BCAS3: variants seen among roughly 807,000 people sequenced by gnomAD.
The protein encoded by BCAS3 is BCAS4/BCAS3 fusion.
BCAS3 carries 53 observed loss-of-function variants against 116.1 expected under a neutral mutation model. The ratio of observed to expected loss-of-function variants is 0.46; its 90% CI spans 0.37 to 0.57. The LOEUF (loss-of-function observed/expected upper bound fraction) is 0.57, where lower values mean the gene tolerates loss of function less well. Ranked by LOEUF, BCAS3 falls within the 20% of genes least tolerant of loss-of-function variation. The pLI, the probability that BCAS3 is intolerant of heterozygous loss-of-function variation, is 0.00. For synonymous variants in BCAS3, 391 were observed against 408.2 expected (o/e 0.96, Z 0.51); for missense variants, 917 against 1,165.4 (o/e 0.79, Z 3.10).
intron 8 of BCAS3, among the ~76,000 whole-genome samples, chr17:60,870,752 T>C (rs1335444911): frequency 1.3e-5 from 2 of 152,184 alleles, no homozygotes; most frequent in African/African-American, 4.8e-5. Context: ...CCGCTGCAGG[T>C]AAGTTTTTTC....
Position 61,279,959 on chromosome 17 carries a change from CTT to C in BCAS3, c.2426-88366_2426-88365del, listed in dbSNP as rs34196471. ...TGCTCCTGCTGAGTCTACATTAACT[CTT>C]TGTTTAGCTTGGCTCCAGAACCATA... On this transcript the variant is annotated intron_variant, in intron 22 of 23. Transcript: ENST00000407086. The surrounding 1 kb of genome is among the most constrained non-coding windows in gnomAD (Gnocchi z 4.4). Among the ~76,000 whole-genome samples the C allele has an allele frequency of 0.036, 5,516 of 152,202 alleles. 133 individuals carry two copies. Among genetic ancestry groups the C allele is most frequent in the Middle Eastern group, 0.048 (14 of 294 alleles).
At chr17:61,185,430 G>A (rs534726449) in intron 22 of BCAS3, among the ~76,000 whole-genome samples, 1 of 152,066 alleles carries the variant, frequency 6.6e-6, no homozygotes, top group East Asian at 1.9e-4. Flanking sequence ...CTAGTCTAAT[G>A]GTTTAAATAC....
rs746791898 is a variant in BCAS3, at chr17:60,924,426, C to T, written c.1013C>T (p.Ser338Phe). 3 of 1,613,150 alleles carry T rather than the reference C, an allele frequency of 1.9e-6. No individual in the cohort carries two copies. In the Admixed American group the frequency reaches 5.0e-5, roughly 27 times the overall value. ...GEGQVLVSED[S>F]DSDGIVAHFP... Reference sequence around the variant, plus strand: ...GTGAAGGTGCTTGTGAGTGAGGATTCTGACAGTGATGGCATTGTGGCCCAC... The same window carrying T: ...GTGAAGGTGCTTGTGAGTGAGGATTTTGACAGTGATGGCATTGTGGCCCAC... Residue 338 changes from serine to phenylalanine, a missense_variant, in exon 13 of 24, where the codon TCT (serine) becomes TTT (phenylalanine). Transcript: ENST00000407086.
chr17:61,262,752 G>C (rs2049333473), intron 22 of BCAS3, among the ~76,000 whole-genome samples: 1 of 150,542 alleles, frequency 6.6e-6, no homozygotes, highest in Admixed American at 6.6e-5. Context: ...GAGTGCAATG[G>C]CACTATCTTG....
In BCAS3 at chr17:60,689,691, C is replaced by T. The variant is rs779869339; in HGVS notation, c.144C>T (p.Tyr48=). 3 of 1,596,332 alleles carry T rather than the reference C, an allele frequency of 1.9e-6. No homozygotes were observed. The highest frequency in any genetic ancestry group is 2.6e-6 in the Non-Finnish European group (3 of 1,165,472). The change falls in exon 4 of 24, where the codon TAC becomes TAT. Residue 48 remains tyrosine, a synonymous_variant. Transcript: ENST00000407086. ...TFLQDVVPQA[Y]SGTPLTEEKE... ...TGTTTCTGTTTACTATGCAGGCTTA[C>T]AGTGGAACACCTCTAACAGAAGAAA...
intron 7 of BCAS3, among the ~76,000 whole-genome samples, 160 bp from the exon 8 acceptor site, chr17:60,868,416 A>C (rs946508263): frequency 3.3e-5 from 5 of 152,144 alleles, no homozygotes; most frequent in Non-Finnish European, 7.3e-5. Context: ...TTGACTTAAA[A>C]TAAGGGATGT....
At chr17:61,225,797 G>C (rs1201630646) in intron 22 of BCAS3, among the ~76,000 whole-genome samples, 1 of 152,016 alleles carries the variant, frequency 6.6e-6, no homozygotes, top group Non-Finnish European at 1.5e-5. Context: ...TACTCTCCCA[G>C]CTCCTTTTTC....
chr17:60,933,410 T>A (rs2059763058), intron 13 of BCAS3, among the ~76,000 whole-genome samples: 1 of 152,232 alleles, frequency 6.6e-6, no homozygotes, highest in Non-Finnish European at 1.5e-5. Flanking sequence ...AAATGTAAAG[T>A]ACAACACATC....
chr17:60,917,463 A>G (rs1271517242), intron 12 of BCAS3, among the ~76,000 whole-genome samples: 1 of 152,218 alleles, frequency 6.6e-6, no homozygotes, highest in Non-Finnish European at 1.5e-5. Flanking sequence ...TTCAAGGTTC[A>G]TACCTGTCGT....
chr17:61,127,428 A>G (rs1323028708), intron 22 of BCAS3, among the ~76,000 whole-genome samples: 1 of 152,038 alleles, frequency 6.6e-6, no homozygotes, highest in East Asian at 1.9e-4. Flanking sequence ...TGGACATCTC[A>G]TGGTGGTCAC....
Position 61,258,224 on chromosome 17 carries a change from CT to C in BCAS3, c.2426-110102del, listed in dbSNP as rs1568685130. 6.6e-6 allele frequency among the ~76,000 whole-genome samples: 1 copy of C among 152,194 alleles called. No individual in the cohort carries two copies. Among genetic ancestry groups the C allele is most frequent in the African/African-American group, 2.4e-5 (1 of 41,434 alleles). ...ATCTTTGTCTTTAATAGTCATTGCC[CT>C]CTTATGGGACTTACCATGTTTCGCC... On this transcript the variant is annotated intron_variant, in intron 22 of 23. Coordinates refer to ENST00000407086, the MANE Select transcript of BCAS3 (RefSeq NM_017679.5). This position sits in a 1 kb window ranked among gnomAD's most constrained non-coding sequence, Gnocchi z 4.7.
At chr17:61,058,607 G>A (rs2069639573) in intron 19 of BCAS3, among the ~76,000 whole-genome samples, 2 of 152,166 alleles carry the variant, frequency 1.3e-5, no homozygotes, top group African/African-American at 2.4e-5. Flanking sequence ...GTATTATAGT[G>A]TATGTAAAGT....
intron 19 of BCAS3, among the ~76,000 whole-genome samples, chr17:61,045,823 T>TCTCTCTCTCTCTCTCTCTCTCTC (rs2068003623): frequency 2.9e-5 from 1 of 34,628 alleles, no homozygotes; most frequent in Non-Finnish European, 4.2e-5. Flanking sequence ...TCATCTCTCT[T>TCTCTCTCTCTCTCTCTCTCTCTC]TCTCTCTCTC....
chr17:61,377,393 C>T lies in BCAS3; in HGVS notation c.2593+8899C>T, dbSNP rs929452717. Among the ~76,000 whole-genome samples the T allele has an allele frequency of 5.9e-5, 9 of 152,174 alleles. No individual in the cohort carries two copies. The highest frequency in any genetic ancestry group is 1.9e-4 in the African/African-American group (8 of 41,430). On this transcript the variant is annotated intron_variant, in intron 23 of 23. Coordinates refer to ENST00000407086, the MANE Select transcript of BCAS3 (RefSeq NM_017679.5). This position sits in a 1 kb window ranked among gnomAD's most constrained non-coding sequence, Gnocchi z 4.6. Reference sequence around the variant, plus strand: ...TGCTATTTGTGTCTCGGTTCAGTGTCGGATTGCCTATTCCTAGCTATTTTC... The same window carrying T: ...TGCTATTTGTGTCTCGGTTCAGTGTTGGATTGCCTATTCCTAGCTATTTTC...
At chr17:61,115,914 A>G (rs2143771583) in intron 22 of BCAS3, among the ~76,000 whole-genome samples, 1 of 152,038 alleles carries the variant, frequency 6.6e-6, no homozygotes, top group Admixed American at 6.5e-5. Context: ...TGCAGCCATA[A>G]CAAATGATGA....
chr17:61,217,771 C>T lies in BCAS3; in HGVS notation c.2425+133207C>T, dbSNP rs1436350353. Among the ~76,000 whole-genome samples the T allele has an allele frequency of 2.0e-5, 3 of 152,210 alleles. No individual in the cohort carries two copies. Among genetic ancestry groups the T allele is most frequent in the Admixed American group, 6.5e-5 (1 of 15,280 alleles). On this transcript the variant is annotated intron_variant, in intron 22 of 23. Transcript: ENST00000407086. The surrounding 1 kb of genome is among the most constrained non-coding windows in gnomAD (Gnocchi z 5.2). ...ATCCCACACTGCTTTGCTTCTACTC[C>T]TCTAAGCCTTTTTTCCCCTCCCTTA... is the stretch of plus-strand genomic sequence containing the variant.
At chr17:61,168,977 T>G (rs374137668) in intron 22 of BCAS3, among the ~76,000 whole-genome samples, 41 of 152,290 alleles carry the variant, frequency 2.7e-4, no homozygotes, top group African/African-American at 9.4e-4. Context: ...GGATAAATAC[T>G]CTCACATGTG....
At chr17:60,685,437 TG>T (rs1325205175) in intron 3 of BCAS3, among the ~76,000 whole-genome samples, 1 of 118,992 alleles carries the variant, frequency 8.4e-6, no homozygotes, top group Non-Finnish European at 1.7e-5. Context: ...GCAATAAGAG[TG>T]AAACTCCGTC....
rs79068244 is a variant in BCAS3, at chr17:61,140,597, T to C, written c.2425+56033T>C. 5.7e-3 allele frequency among the ~76,000 whole-genome samples: 873 copies of C among 152,290 alleles called. 21 individuals carry two copies. The East Asian group carries it at 0.087, about 15-fold the overall frequency. ...CTTATCTCTCCACTTTTTTTTTTTTTCTGGAGAAACAGCACTCTGGCATTT... is the reference window on the plus strand; with the variant it reads ...CTTATCTCTCCACTTTTTTTTTTTTCCTGGAGAAACAGCACTCTGGCATTT... On this transcript the variant is annotated intron_variant, in intron 22 of 23. Coordinates refer to ENST00000407086, the MANE Select transcript of BCAS3 (RefSeq NM_017679.5). This position sits in a 1 kb window ranked among gnomAD's most constrained non-coding sequence, Gnocchi z 4.2.
Sources: allele counts gnomAD v4.1 joint callset (sites outside exome capture counted in the v4.1 genomes callset), GRCh38; gene constraint gnomAD v4.1.1; non-coding constraint Gnocchi (gnomAD v3.1); transcripts MANE v1.5; gene names NCBI Gene and HGNC (gene_info 2026-07-23, HGNC 2026-07-21).